UBE3D: variants seen among roughly 807,000 people sequenced by gnomAD.
UBE3D encodes E3 ubiquitin-protein ligase E3D.
A neutral mutation model predicts 49.6 loss-of-function variants in UBE3D; 48 were observed. The observed-to-expected ratio is 0.97, with a 90% CI of 0.77 to 1.23. The LOEUF is 1.23. Among genes scored for constraint, UBE3D ranks in the 50% most tolerant of loss-of-function variants. UBE3D has a pLI of 0.00. For synonymous variants in UBE3D, 189 were observed against 174.2 expected, an observed-to-expected ratio of 1.08 and a Z score of -0.67; for missense variants, 452 against 468.4, an observed-to-expected ratio of 0.96 and a Z score of 0.32.
chr6:82,891,795 G>A (rs1057410295), downstream of UBE3D, among the ~76,000 whole-genome samples: 7 of 152,200 alleles, frequency 4.6e-5, no homozygotes, highest in African/African-American at 1.7e-4. Flanking sequence ...GAAGGCTGAG[G>A]TGGGTGGATC....
intron 8 of UBE3D, among the ~76,000 whole-genome samples, chr6:83,011,165 A>G (rs1186666057): frequency 6.6e-6 from 1 of 152,250 alleles, no homozygotes; most frequent in Non-Finnish European, 1.5e-5. Flanking sequence ...TGAAGTCAAT[A>G]AACTTTATCT....
chr6:82,912,485 A>C (rs1351270231), intron 9 of UBE3D, among the ~76,000 whole-genome samples: 1 of 152,102 alleles, frequency 6.6e-6, no homozygotes, highest in East Asian at 1.9e-4. Flanking sequence ...GAACAGGTAC[A>C]ATCATTACAA....
chr6:82,898,379 G>A lies in UBE3D; in HGVS notation c.1150-5337C>T, dbSNP rs536546912. ...TTCTACTATAAAGATACATGCACACGTATGTTTATTGTAGCACTGTTCACA... is the reference window on the plus strand; with the variant it reads ...TTCTACTATAAAGATACATGCACACATATGTTTATTGTAGCACTGTTCACA... On this transcript the variant is annotated intron_variant, in intron 9 of 9. Transcript: ENST00000369747. Among the ~76,000 whole-genome samples the A allele has an allele frequency of 1.5e-3, 228 of 152,282 alleles. 1 individual carries two copies. The highest frequency in any genetic ancestry group is 5.3e-3 in the African/African-American group (219 of 41,556).
intron 8 of UBE3D, among the ~76,000 whole-genome samples, chr6:82,982,582 C>A (rs1011105337): frequency 6.6e-6 from 1 of 152,132 alleles, no homozygotes; most frequent in Non-Finnish European, 1.5e-5. Flanking sequence ...ATATCCCTGT[C>A]CCCCGAATTT....
At chr6:82,921,440 T>A (rs1332565044) in intron 9 of UBE3D, among the ~76,000 whole-genome samples, 1 of 151,996 alleles carries the variant, frequency 6.6e-6, no homozygotes, top group Admixed American at 6.6e-5. Context: ...AGGCTGAGGG[T>A]CAGCAGACAA....
At chr6:82,898,009 G>A (rs755929822) in intron 9 of UBE3D, among the ~76,000 whole-genome samples, 1 of 152,196 alleles carries the variant, frequency 6.6e-6, no homozygotes, top group Non-Finnish European at 1.5e-5. Context: ...CCATCAAAAA[G>A]TGGGCGAAGG....
At chr6:83,054,127 A>C (rs539411910) in intron 3 of UBE3D, 21 bp downstream of exon 3, 19 of 1,573,262 alleles carry the variant, frequency 1.2e-5, no homozygotes, top group Non-Finnish European at 1.5e-5. Flanking sequence ...AGAATTAATC[A>C]GTGTTAAATA....
intron 9 of UBE3D, among the ~76,000 whole-genome samples, chr6:82,936,231 G>A (rs1025634839): frequency 1.1e-4 from 16 of 152,166 alleles, no homozygotes; most frequent in Non-Finnish European, 7.3e-5. Flanking sequence ...AAACAAAAAT[G>A]TAATATAAAC....
At chr6:83,001,175 G>A (rs1295213651) in intron 8 of UBE3D, among the ~76,000 whole-genome samples, 2 of 152,098 alleles carry the variant, frequency 1.3e-5, no homozygotes, top group African/African-American at 4.8e-5. Context: ...CTCCTATCCT[G>A]ACCCAGTTGG....
At chr6:82,939,435 A>G (rs1774841221) in intron 9 of UBE3D, among the ~76,000 whole-genome samples, 1 of 152,228 alleles carries the variant, frequency 6.6e-6, no homozygotes, top group Non-Finnish European at 1.5e-5. Context: ...TCAACAAGGG[A>G]CCACATGTAC....
chr6:82,893,173 C>G, intron 9 of UBE3D, 131 bp from the exon 10 acceptor site: 1 of 990,996 alleles, frequency 1.0e-6, no homozygotes, highest in Non-Finnish European at 1.5e-6. Flanking sequence ...AAAAATGACT[C>G]TTAGTGGATC....
At chr6:83,034,190 A>G (rs959940088) in intron 5 of UBE3D, among the ~76,000 whole-genome samples, 2 of 152,046 alleles carry the variant, frequency 1.3e-5, no homozygotes, top group African/African-American at 4.8e-5. Flanking sequence ...CTAGTGATTT[A>G]CTTTTAGAAC....
chr6:82,887,950 T>C (rs1770918624), downstream of UBE3D, among the ~76,000 whole-genome samples: 1 of 152,082 alleles, frequency 6.6e-6, no homozygotes, highest in South Asian at 2.1e-4. Flanking sequence ...GAAATGCTAT[T>C]ACCTAGGAAG....
intron 3 of UBE3D, among the ~76,000 whole-genome samples, chr6:83,050,058 T>C (rs1202584131): frequency 6.6e-6 from 1 of 152,162 alleles, no homozygotes; most frequent in African/African-American, 2.4e-5. Flanking sequence ...AATGAGGCAT[T>C]ATTTGGTTTC....
chr6:82,929,395 GGC>G lies in UBE3D; in HGVS notation c.1149+27915_1149+27916del, dbSNP rs1271525775. Among the ~76,000 whole-genome samples the G allele has an allele frequency of 5.3e-5, 8 of 152,050 alleles. No homozygotes were observed. The East Asian group carries it at 1.4e-3, about 26-fold the overall frequency. On this transcript the variant is annotated intron_variant, in intron 9 of 9. Coordinates refer to ENST00000369747, the MANE Select transcript of UBE3D (RefSeq NM_198920.3). ...TTTGACAATTAAGGGACAAATTAAGGGCTTTCTCTTACTGAAGATTTCCTATT... is the reference window on the plus strand; with the variant it reads ...TTTGACAATTAAGGGACAAATTAAGGTTTCTCTTACTGAAGATTTCCTATT...
intron 8 of UBE3D, among the ~76,000 whole-genome samples, chr6:82,980,174 T>C (rs1778016790): frequency 6.6e-6 from 1 of 152,142 alleles, no homozygotes; most frequent in Admixed American, 6.5e-5. Context: ...TTGTTTTCCA[T>C]AGAAGTTGTA....
intron 9 of UBE3D, among the ~76,000 whole-genome samples, chr6:82,924,422 G>A (rs1407499382): frequency 1.3e-5 from 2 of 152,074 alleles, no homozygotes; most frequent in Non-Finnish European, 2.9e-5. Context: ...CTTTACTACA[G>A]AACAATTTAT....
intron 8 of UBE3D, among the ~76,000 whole-genome samples, chr6:82,958,089 C>G (rs888121092): frequency 6.6e-6 from 1 of 152,152 alleles, no homozygotes; most frequent in South Asian, 2.1e-4. Flanking sequence ...CCTGCGGAAC[C>G]TATTTGAAAA....
intron 8 of UBE3D, among the ~76,000 whole-genome samples, chr6:82,976,335 T>C (rs1186413936): frequency 6.6e-6 from 1 of 152,210 alleles, no homozygotes; most frequent in Non-Finnish European, 1.5e-5. Flanking sequence ...AAACAGCTGT[T>C]TTAACAGTTG....
Sources: gnomAD v4.1 joint callset for allele counts (sites outside exome capture counted in the v4.1 genomes callset) on GRCh38, gnomAD v4.1.1 for gene constraint, MANE v1.5 for transcripts, NCBI Gene and HGNC (gene_info 2026-07-23, HGNC 2026-07-21) for gene names.